The following FAM117B variants were observed in gnomAD, a reference collection of about 807,000 sequenced individuals.
FAM117B encodes family with sequence similarity 117 member B.
In FAM117B, 22 loss-of-function variants were observed where a neutral mutation model predicts 52.8. The ratio of observed to expected loss-of-function variants is 0.42; its 90% CI spans 0.30 to 0.59. FAM117B has a LOEUF of 0.59. Among genes scored for constraint, FAM117B ranks in the 20% least tolerant of loss-of-function variants. FAM117B has a pLI of 0.22. For missense variants in FAM117B, 678 were observed against 802.6 expected (o/e 0.84, Z 1.88); for synonymous variants, 309 against 324.1 (o/e 0.95, Z 0.50).
intron 1 of FAM117B, among the ~76,000 whole-genome samples, chr2:202,677,107 C>T (rs1690389270): frequency 6.7e-6 from 1 of 149,240 alleles, no homozygotes; most frequent in Non-Finnish European, 1.5e-5. Context: ...CTCGCTCTGT[C>T]ACCAGGCTGG....
chr2:202,696,401 A>G (rs2105776925), intron 2 of FAM117B, among the ~76,000 whole-genome samples: 1 of 152,322 alleles, frequency 6.6e-6, no homozygotes, highest in Admixed American at 6.5e-5. Flanking sequence ...AAAATACACT[A>G]ACACTAATGA....
chr2:202,639,359 A>G (rs1390023885), intron 1 of FAM117B, among the ~76,000 whole-genome samples: 2 of 152,118 alleles, frequency 1.3e-5, no homozygotes, highest in Non-Finnish European at 1.5e-5. Context: ...CTTGACTACT[A>G]TAAAGTAATC....
At chr2:202,715,537 A>T (rs891926434) in intron 2 of FAM117B, among the ~76,000 whole-genome samples, 28 of 151,576 alleles carry the variant, frequency 1.8e-4, no homozygotes, top group Admixed American at 3.3e-4. Context: ...GGCCGGGCAG[A>T]GACGCTCCTC....
chr2:202,755,517 TCTC>T lies in FAM117B; in HGVS notation c.961-19_961-17del. On this transcript the variant is annotated intron_variant, in intron 4 of 7. Coordinates refer to ENST00000392238, the MANE Select transcript of FAM117B (RefSeq NM_173511.4). ...TTAAAAGGTAATGTTAAGCCTCTCT[TCTC>T]CATCCCATTTTCTTAAGGCTCCTGT... The T allele has an allele frequency of 6.2e-7, 1 of 1,612,462 alleles. No homozygotes were observed. The highest frequency in any genetic ancestry group is 1.7e-5 in the Admixed American group (1 of 59,736).
chr2:202,693,008 G>C (rs1175023547), intron 1 of FAM117B, among the ~76,000 whole-genome samples: 1 of 152,092 alleles, frequency 6.6e-6, no homozygotes, highest in East Asian at 1.9e-4. Context: ...GTTTTAGATT[G>C]CTAGCCATAC....
intron 4 of FAM117B, 81 bp from the exon 5 acceptor site, chr2:202,755,457 T>C: frequency 6.6e-7 from 1 of 1,525,202 alleles, no homozygotes; most frequent in Non-Finnish European, 8.9e-7. Context: ...TTTGAGTTAC[T>C]TATGTCTGTT....
chr2:202,738,402 C>G lies in FAM117B; in HGVS notation c.960+12039C>G, dbSNP rs1285231442. ...TCACAAGACTTCATTTTTCTGTCAA[C>G]TCAAGTTTGTGGAAGTGAGGACATC... On this transcript the variant is annotated intron_variant, in intron 4 of 7. Transcript: ENST00000392238. 2.0e-5 allele frequency among the ~76,000 whole-genome samples: 3 copies of G among 152,072 alleles called. No homozygotes were observed. The East Asian group carries it at 5.8e-4, about 29-fold the overall frequency.
chr2:202,635,474 G>C lies in FAM117B; in HGVS notation c.287G>C (p.Arg96Pro). Residue 96 changes from arginine (R) to proline (P), a missense_variant, in exon 1 of 8, where the codon CGC becomes CCC. By Grantham distance (103) the Arg-to-Pro change is moderately radical. Transcript: ENST00000392238. ...GCCTCGCGCAGCACCAGCCCCACGC[G>C]CGGCGGCGGGAACGCGGCCGCGCGC... ...RTASRSTSPT[R>P]GGGNAAARTS... 9.5e-7 allele frequency: 1 copy of C among 1,050,938 alleles called. No homozygotes were observed. The highest frequency in any genetic ancestry group is 4.4e-5 in the South Asian group (1 of 22,694). 65.1% of individuals were successfully genotyped at this position (1,050,938 alleles called of 1,614,324 possible). A position where few individuals can be genotyped will look rare whatever the true frequency, so the allele number is the denominator to read the frequency against.
At chr2:202,726,598 G>A (rs1691249054) in intron 4 of FAM117B, among the ~76,000 whole-genome samples, 1 of 152,048 alleles carries the variant, frequency 6.6e-6, no homozygotes, top group African/African-American at 2.4e-5. Flanking sequence ...ATCTATTTTG[G>A]TTTACCATAT....
At chr2:202,645,901 G>A (rs554980114) in intron 1 of FAM117B, among the ~76,000 whole-genome samples, 2 of 151,776 alleles carry the variant, frequency 1.3e-5, no homozygotes, top group African/African-American at 2.4e-5. Context: ...CACAGCGCCC[G>A]GCCTATCAGA....
At chr2:202,681,438 G>A (rs1213498648) in intron 1 of FAM117B, among the ~76,000 whole-genome samples, 1 of 152,114 alleles carries the variant, frequency 6.6e-6, no homozygotes. Context: ...CAGGTTTAAA[G>A]TATAAAGATG....
At chr2:202,667,448 GTGTGTC>G (rs1188860653) in intron 1 of FAM117B, among the ~76,000 whole-genome samples, 104 of 151,940 alleles carry the variant, frequency 6.8e-4, no homozygotes, top group African/African-American at 2.3e-3. Context: ...CTTTGTGTAT[GTGTGTC>G]TGTGTGTCTG....
At chr2:202,637,292 C>T (rs1423121984) in intron 1 of FAM117B, among the ~76,000 whole-genome samples, 2 of 152,084 alleles carry the variant, frequency 1.3e-5, no homozygotes, top group East Asian at 3.9e-4. Flanking sequence ...GAGTCTTGCT[C>T]AGCTGCCCAG....
intron 1 of FAM117B, among the ~76,000 whole-genome samples, chr2:202,653,464 GA>G (rs1386186768): frequency 3.9e-5 from 6 of 152,214 alleles, no homozygotes; most frequent in Non-Finnish European, 7.3e-5. Context: ...TCAGCCTCCA[GA>G]GTTGCTGGGA....
rs1416406605 is a variant in FAM117B, at chr2:202,769,168, G to A, written c.*3404G>A. The A allele has an allele frequency of 2.0e-5, 3 of 152,104 alleles. No individual in the cohort carries two copies. The highest frequency in any genetic ancestry group is 1.9e-4 in the East Asian group (1 of 5,196). 9.4% of individuals were successfully genotyped at this position (152,104 alleles called of 1,614,324 possible). ...TCTTGCTAACTGTGGAATATTTGAC[G>A]ACATGAAAGTCCTTTTTCTTTGCTT... On this transcript the variant is annotated 3_prime_UTR_variant, in exon 8 of 8. Transcript: ENST00000392238.
chr2:202,754,102 A>G (rs1482289388), intron 4 of FAM117B, among the ~76,000 whole-genome samples: 1 of 152,218 alleles, frequency 6.6e-6, no homozygotes, highest in African/African-American at 2.4e-5. Flanking sequence ...CACTGTTTAC[A>G]ATAGCAAAGA....
chr2:202,759,419 T>A, intron 7 of FAM117B, 66 bp downstream of exon 7: 1 of 1,570,278 alleles, frequency 6.4e-7, no homozygotes, highest in Non-Finnish European at 8.6e-7. Context: ...AGATAGGATC[T>A]CACTCTGTCA....
At chr2:202,671,500 G>A (rs766785733) in intron 1 of FAM117B, among the ~76,000 whole-genome samples, 8 of 152,340 alleles carry the variant, frequency 5.3e-5, no homozygotes, top group Non-Finnish European at 1.2e-4. Context: ...GCCAAGCTGA[G>A]TATGCTCCTT....
At chr2:202,684,726 T>G (rs1167369076) in intron 1 of FAM117B, among the ~76,000 whole-genome samples, 5 of 152,186 alleles carry the variant, frequency 3.3e-5, no homozygotes, top group Non-Finnish European at 7.4e-5. Context: ...AATGAACCAG[T>G]AATATATATT....
Sources: gnomAD v4.1 joint callset for allele counts (sites outside exome capture counted in the v4.1 genomes callset) on GRCh38, gnomAD v4.1.1 for gene constraint, MANE v1.5 for transcripts, NCBI Gene and HGNC (gene_info 2026-07-23, HGNC 2026-07-21) for gene names.